The following CACNA2D2 variants were observed in gnomAD, a reference collection of about 807,000 sequenced individuals.
CACNA2D2 encodes calcium voltage-gated channel auxiliary subunit alpha2delta 2.
A neutral mutation model predicts 166.4 loss-of-function variants in CACNA2D2; 48 were observed. The ratio of observed to expected loss-of-function variants is 0.29; its 90% CI spans 0.23 to 0.37. The LOEUF is 0.37. Among genes scored for constraint, CACNA2D2 ranks in the 10% least tolerant of loss-of-function variants. CACNA2D2 has a pLI of 1.00. For missense variants in CACNA2D2, 1,122 were observed against 1,433.0 expected (o/e 0.78, Z 3.50); for synonymous variants, 561 against 573.7 (o/e 0.98, Z 0.32).
chr3:50,399,015 C>T (rs1417870944), intron 3 of CACNA2D2, among the ~76,000 whole-genome samples: 1 of 152,220 alleles, frequency 6.6e-6, no homozygotes, highest in Non-Finnish European at 1.5e-5. Context: ...AACCTGAGAT[C>T]AGGGACCTGG....
chr3:50,400,652 T>C (rs1706403056), intron 3 of CACNA2D2, among the ~76,000 whole-genome samples: 1 of 152,244 alleles, frequency 6.6e-6, no homozygotes, highest in Non-Finnish European at 1.5e-5. Flanking sequence ...CTGAGGGTGA[T>C]GGAGACACGC....
At chr3:50,499,041 C>G (rs1188568071) in intron 1 of CACNA2D2, among the ~76,000 whole-genome samples, 1 of 152,216 alleles carries the variant, frequency 6.6e-6, no homozygotes, top group Non-Finnish European at 1.5e-5. Flanking sequence ...TAAGGGAGAT[C>G]ACCATTAGCC....
chr3:50,434,771 T>C (rs1376297841), intron 2 of CACNA2D2, among the ~76,000 whole-genome samples: 2 of 152,188 alleles, frequency 1.3e-5, no homozygotes, highest in African/African-American at 4.8e-5. Context: ...TAACTGTGAA[T>C]AGCAGAGGGG....
chr3:50,378,405 T>C, intron 13 of CACNA2D2, 72 bp from the exon 14 acceptor site: 1 of 1,455,554 alleles, frequency 6.9e-7, no homozygotes, highest in Non-Finnish European at 9.4e-7. Flanking sequence ...GCCCTGCCCC[T>C]GGGGTGTGTC....
At chr3:50,466,200 G>C (rs543259627) in intron 2 of CACNA2D2, among the ~76,000 whole-genome samples, 5 of 152,102 alleles carry the variant, frequency 3.3e-5, no homozygotes, top group African/African-American at 4.8e-5. Context: ...CCCCATGCAG[G>C]GCTGCTGAGC....
intron 5 of CACNA2D2, among the ~76,000 whole-genome samples, chr3:50,386,933 C>G (rs1705640131): frequency 5.9e-5 from 9 of 152,208 alleles, no homozygotes; most frequent in Admixed American, 5.9e-4. Flanking sequence ...ACAGCCACCT[C>G]CCCTGCAAAT....
intron 3 of CACNA2D2, among the ~76,000 whole-genome samples, chr3:50,396,883 C>A (rs1384983596): frequency 6.6e-6 from 1 of 152,178 alleles, no homozygotes; most frequent in Non-Finnish European, 1.5e-5. Flanking sequence ...GAAGCAGAGG[C>A]GGTCTCTTGC....
chr3:50,483,957 C>T (rs1338072692), intron 1 of CACNA2D2, among the ~76,000 whole-genome samples: 1 of 152,212 alleles, frequency 6.6e-6, no homozygotes, highest in Non-Finnish European at 1.5e-5. Context: ...ACAGAGGTCA[C>T]AAACACCCGT....
chr3:50,411,135 C>T (rs1706994356), intron 3 of CACNA2D2, among the ~76,000 whole-genome samples: 1 of 152,202 alleles, frequency 6.6e-6, no homozygotes, highest in Non-Finnish European at 1.5e-5. Context: ...CCCACTCATG[C>T]CTGGCCAAAT....
intron 1 of CACNA2D2, among the ~76,000 whole-genome samples, chr3:50,492,819 T>C (rs1698572502): frequency 1.3e-5 from 2 of 151,222 alleles, no homozygotes; most frequent in African/African-American, 4.9e-5. Context: ...GTCCTGTGGC[T>C]AGGGGTTGCC....
At chr3:50,424,073 T>C (rs1707695710) in intron 3 of CACNA2D2, among the ~76,000 whole-genome samples, 1 of 152,222 alleles carries the variant, frequency 6.6e-6, no homozygotes, top group African/African-American at 2.4e-5. Context: ...GTTCCAACTG[T>C]ACTGGTAGGG....
intron 1 of CACNA2D2, among the ~76,000 whole-genome samples, chr3:50,501,158 C>A (rs1441784699): frequency 1.3e-5 from 2 of 152,198 alleles, no homozygotes; most frequent in African/African-American, 4.8e-5. Flanking sequence ...CCCCACAGAA[C>A]CTTCTGGCCC....
intron 2 of CACNA2D2, among the ~76,000 whole-genome samples, chr3:50,452,494 G>T (rs1019651496): frequency 3.3e-5 from 5 of 152,240 alleles, no homozygotes; most frequent in African/African-American, 1.2e-4. Context: ...TGTGATGGAT[G>T]TAACTGCTCA....
chr3:50,413,283 G>A (rs1034313647), intron 3 of CACNA2D2, among the ~76,000 whole-genome samples: 4 of 151,782 alleles, frequency 2.6e-5, no homozygotes, highest in Admixed American at 2.6e-4. Context: ...CAGGGCTCAG[G>A]AAGGAGAGAT....
intron 22 of CACNA2D2, chr3:50,372,952 G>C: frequency 1.3e-6 from 1 of 777,844 alleles, no homozygotes; most frequent in Non-Finnish European, 2.1e-6. Flanking sequence ...AAGCTGGGAG[G>C]GGGCCCTGGA....
chr3:50,380,651 C>T lies in CACNA2D2; in HGVS notation c.842+97G>A. On this transcript the variant is annotated intron_variant, in intron 8 of 37. Transcript: ENST00000424201. This position sits in a 1 kb window ranked among gnomAD's most constrained non-coding sequence, Gnocchi z 4.9. ...GAAAATTGGATACAGCTGGCTGCGC[C>T]CTGCTAGGAGGCTTGGAAATGGGGA... The T allele has an allele frequency of 9.9e-7, 1 of 1,013,704 alleles. No homozygotes were observed. Among genetic ancestry groups the T allele is most frequent in the Non-Finnish European group, 1.4e-6 (1 of 710,242 alleles). The allele number at this position is 1,013,704 out of a possible 1,614,324, so 62.8% of individuals were successfully genotyped here.
At chr3:50,429,051 G>A (rs1559938655) in intron 3 of CACNA2D2, among the ~76,000 whole-genome samples, 1 of 152,054 alleles carries the variant, frequency 6.6e-6, no homozygotes, top group Non-Finnish European at 1.5e-5. Context: ...GCAACATAGC[G>A]AAACCCCAGC....
Position 50,367,147 on chromosome 3 carries a change from C to T in CACNA2D2, c.2402-38G>A, listed in dbSNP as rs374735362. On this transcript the variant is annotated intron_variant, in intron 27 of 37. Coordinates refer to ENST00000424201, the MANE Select transcript of CACNA2D2 (RefSeq NM_006030.4). This position sits in a 1 kb window ranked among gnomAD's most constrained non-coding sequence, Gnocchi z 6.5. ...TGGGGAAGTCAGGAGTGGGGTCTGG[C>T]GGCCACACTGACCACTCTATGCTGG... 3.0e-5 allele frequency: 45 copies of T among 1,482,412 alleles called. No homozygotes were observed. Among genetic ancestry groups the T allele is most frequent in the Admixed American group, 2.6e-4 (15 of 58,026 alleles). 91.8% of individuals were successfully genotyped at this position (1,482,412 alleles called of 1,614,324 possible). A position where few individuals can be genotyped will look rare whatever the true frequency, so the allele number is the denominator to read the frequency against.
At chr3:50,394,276 T>C (rs529746656) in intron 3 of CACNA2D2, 108 bp from the exon 4 acceptor site, 2 of 861,300 alleles carry the variant, frequency 2.3e-6, no homozygotes, top group South Asian at 1.4e-5. Flanking sequence ...GCTGGACTGG[T>C]GACTCCCTTC....
Sources: gnomAD v4.1 joint callset for allele counts (sites outside exome capture counted in the v4.1 genomes callset) on GRCh38, gnomAD v4.1.1 for gene constraint, Gnocchi (gnomAD v3.1) non-coding constraint, MANE v1.5 for transcripts, NCBI Gene and HGNC (gene_info 2026-07-23, HGNC 2026-07-21) for gene names.